The following CORO2B variants were observed in gnomAD, a reference collection of about 807,000 sequenced individuals.
CORO2B encodes the protein coronin 2B.
CORO2B carries 26 observed loss-of-function variants against 58.8 expected under a neutral mutation model. The observed-to-expected ratio is 0.44, with a 90% CI of 0.32 to 0.61. The LOEUF is 0.61. Among genes scored for constraint, CORO2B ranks in the 20% least tolerant of loss-of-function variants. The pLI is 0.04. For synonymous variants in CORO2B, 242 were observed against 253.8 expected (o/e 0.95, Z 0.44); for missense variants, 460 against 645.1 (o/e 0.71, Z 3.11).
chr15:68,551,093 G>T, the CORO2B span, among the ~76,000 whole-genome samples: 2 of 152,140 alleles, frequency 1.3e-5, no homozygotes, highest in African/African-American at 4.8e-5. Context: ...GGCCCAGGCT[G>T]ACCGCCCCTG....
the CORO2B span, among the ~76,000 whole-genome samples, chr15:68,558,969 C>T: frequency 6.6e-6 from 1 of 152,168 alleles, no homozygotes; most frequent in Non-Finnish European, 1.5e-5. Context: ...GCCGGCCACG[C>T]AGGAATGAGC....
intron 1 of CORO2B, among the ~76,000 whole-genome samples, chr15:68,617,089 G>A (rs1003230958): frequency 1.3e-5 from 2 of 152,186 alleles, no homozygotes; most frequent in Admixed American, 1.3e-4. Flanking sequence ...AATGGTCCAG[G>A]TGTTGTTGGG....
chr15:68,644,252 A>G (rs1327544689), intron 1 of CORO2B, among the ~76,000 whole-genome samples: 1 of 152,176 alleles, frequency 6.6e-6, no homozygotes. Flanking sequence ...TGCTTTAATC[A>G]TGTGCTTTGT....
chr15:68,541,690 G>A, the CORO2B span, among the ~76,000 whole-genome samples: 1 of 152,194 alleles, frequency 6.6e-6, no homozygotes, highest in African/African-American at 2.4e-5. Context: ...TCTGGCTGGA[G>A]AGCAGGTACT....
At chr15:68,591,625 C>T (rs970315757) in intron 1 of CORO2B, among the ~76,000 whole-genome samples, 9 of 152,136 alleles carry the variant, frequency 5.9e-5, no homozygotes, top group African/African-American at 1.7e-4. Flanking sequence ...TGCAATGAGG[C>T]GGGGAAGGGG....
intron 2 of CORO2B, among the ~76,000 whole-genome samples, chr15:68,666,743 C>G (rs1270721315): frequency 1.3e-5 from 2 of 152,142 alleles, no homozygotes; most frequent in African/African-American, 4.8e-5. Flanking sequence ...CCTCTCTAAG[C>G]CCATGTGCTG....
At chr15:68,563,729 A>T in the CORO2B span, among the ~76,000 whole-genome samples, 2 of 152,102 alleles carry the variant, frequency 1.3e-5, no homozygotes, top group South Asian at 4.1e-4. Context: ...TACAGAAAGA[A>T]AAAAGATTAT....
chr15:68,643,427 C>G (rs549630045), intron 1 of CORO2B, among the ~76,000 whole-genome samples: 20 of 152,308 alleles, frequency 1.3e-4, no homozygotes, highest in African/African-American at 4.8e-4. Flanking sequence ...GTGCTCCTGC[C>G]TCTCCAGCAT....
chr15:68,540,862 C>A, the CORO2B span, among the ~76,000 whole-genome samples: 1 of 152,048 alleles, frequency 6.6e-6, no homozygotes, highest in Non-Finnish European at 1.5e-5. Flanking sequence ...TTTTAGCCAC[C>A]TTTGCTTCTG....
At chr15:68,689,864 T>A (rs569396754) in intron 2 of CORO2B, among the ~76,000 whole-genome samples, 3 of 152,272 alleles carry the variant, frequency 2.0e-5, no homozygotes, top group East Asian at 3.8e-4. Context: ...CTACAGCCTG[T>A]AGCACTGCAA....
intron 1 of CORO2B, among the ~76,000 whole-genome samples, chr15:68,593,638 GGAA>G (rs1899756889): frequency 6.6e-6 from 1 of 152,080 alleles, no homozygotes; most frequent in South Asian, 2.1e-4. Flanking sequence ...AGAGAGGAGG[GGAA>G]GAAGACCCTC....
chr15:68,679,879 C>T (rs12901895), intron 2 of CORO2B, among the ~76,000 whole-genome samples: 27,289 of 152,190 alleles, frequency 0.18, 3,025 homozygotes, highest in Non-Finnish European at 0.24. Context: ...GTCATTACCT[C>T]GGAGGTGGTG....
At chr15:68,671,829 C>G (rs1370241379) in intron 2 of CORO2B, among the ~76,000 whole-genome samples, 1 of 152,178 alleles carries the variant, frequency 6.6e-6, no homozygotes, top group Non-Finnish European at 1.5e-5. Context: ...TGGCCACATT[C>G]TATTAGTAAC....
chr15:68,537,659 C>G, the CORO2B span, among the ~76,000 whole-genome samples: 2 of 152,162 alleles, frequency 1.3e-5, no homozygotes, highest in Non-Finnish European at 2.9e-5. Context: ...CCGCCTCCCC[C>G]ACAGGCCCCA....
chr15:68,616,755 TG>T, intron 1 of CORO2B: 1 of 332,784 alleles, frequency 3.0e-6, no homozygotes, highest in Non-Finnish European at 4.3e-6. Context: ...CGTGGTCTCA[TG>T]GGGGAGACAG....
Position 68,726,896 on chromosome 15 carries a change from T to C in CORO2B, c.*922T>C, listed in dbSNP as rs1893315830. On this transcript the variant is annotated 3_prime_UTR_variant, in exon 12 of 12. Coordinates refer to ENST00000261861, the MANE Select transcript of CORO2B (RefSeq NM_006091.5). ...TGAGAACTGGAAGCCACTGCTACCG[T>C]CTACCCAGCACCAGTAGTGCCGATG... 6.6e-6 allele frequency: 1 copy of C among 152,222 alleles called. No individual in the cohort carries two copies. The highest frequency in any genetic ancestry group is 6.5e-5 in the Admixed American group (1 of 15,276). The allele number at this position is 152,222 out of a possible 1,614,324, so 9.4% of individuals were successfully genotyped here.
chr15:68,621,353 C>T (rs530072302), intron 1 of CORO2B, among the ~76,000 whole-genome samples: 1 of 152,350 alleles, frequency 6.6e-6, no homozygotes, highest in East Asian at 1.9e-4. Context: ...AGACCTGGAG[C>T]AAGCACGATG....
chr15:68,530,610 A>G, the CORO2B span, among the ~76,000 whole-genome samples: 2 of 152,116 alleles, frequency 1.3e-5, no homozygotes, highest in Non-Finnish European at 2.9e-5. Flanking sequence ...CAGTTATGTT[A>G]GTTTTTCTTC....
intron 2 of CORO2B, among the ~76,000 whole-genome samples, chr15:68,682,659 T>C (rs1010605703): frequency 6.6e-6 from 1 of 152,120 alleles, no homozygotes; most frequent in Non-Finnish European, 1.5e-5. Context: ...AAGGATACCA[T>C]GTTTATTATC....
Sources: allele counts gnomAD v4.1 joint callset (sites outside exome capture counted in the v4.1 genomes callset), GRCh38; gene constraint gnomAD v4.1.1; transcripts MANE v1.5; gene names NCBI Gene and HGNC (gene_info 2026-07-23, HGNC 2026-07-21).